Variants in TMEM132D observed in about 807,000 individuals in gnomAD.
TMEM132D encodes the protein transmembrane protein 132D, also known as mature OL transmembrane protein.
In TMEM132D, 21 loss-of-function variants were observed where a neutral mutation model predicts 62.3. The observed-to-expected ratio is 0.34, with a 90% CI of 0.24 to 0.49. The LOEUF is 0.49. Ranked by LOEUF, TMEM132D falls within the 20% of genes least tolerant of loss-of-function variation. The probability of loss-of-function intolerance (pLI) is 0.99; values close to 1 mark genes in which losing one functional copy is unlikely to be tolerated. For synonymous variants in TMEM132D, 621 were observed against 575.6 expected (o/e 1.08, Z -1.13); for missense variants, 1,346 against 1,402.8 (o/e 0.96, Z 0.65).
chr12:129,461,336 G>A (rs1166916340), intron 3 of TMEM132D, among the ~76,000 whole-genome samples: 1 of 152,136 alleles, frequency 6.6e-6, no homozygotes, highest in Non-Finnish European at 1.5e-5. Context: ...GAGAATCTCA[G>A]GGGATGCAGA....
intron 2 of TMEM132D, among the ~76,000 whole-genome samples, chr12:129,604,288 A>G (rs1019090390): frequency 6.6e-6 from 1 of 152,218 alleles, no homozygotes; most frequent in African/African-American, 2.4e-5. Flanking sequence ...TACCTGTGTT[A>G]CAAACCTGCA....
intron 2 of TMEM132D, among the ~76,000 whole-genome samples, chr12:129,638,566 C>CATATATAAATTATAA (rs771922121): frequency 9.1e-6 from 1 of 109,752 alleles, no homozygotes; most frequent in African/African-American, 3.3e-5. Context: ...AATATATAAA[C>CATATATAAATTATAA]ATATATAAAT....
At chr12:129,628,798 A>C (rs1323021386) in intron 2 of TMEM132D, among the ~76,000 whole-genome samples, 2 of 152,036 alleles carry the variant, frequency 1.3e-5, no homozygotes, top group Admixed American at 1.3e-4. Context: ...TGCTGCTTTT[A>C]GAATAAAGCC....
chr12:129,120,243 T>C (rs1196903060), intron 5 of TMEM132D, among the ~76,000 whole-genome samples: 1 of 152,138 alleles, frequency 6.6e-6, no homozygotes, highest in Non-Finnish European at 1.5e-5. Flanking sequence ...AGGTACAGTC[T>C]ATGGGGGCAA....
At chr12:129,344,069 C>G (rs1328203603) in intron 3 of TMEM132D, among the ~76,000 whole-genome samples, 1 of 152,214 alleles carries the variant, frequency 6.6e-6, no homozygotes, top group East Asian at 1.9e-4. Context: ...GGGTGGACGC[C>G]TTCCTCCTCT....
chr12:129,751,377 G>T (rs1469618884), intron 1 of TMEM132D, among the ~76,000 whole-genome samples: 2 of 152,130 alleles, frequency 1.3e-5, no homozygotes, highest in Non-Finnish European at 2.9e-5. Flanking sequence ...AACAGCAAGG[G>T]GTAAATCCAC....
intron 5 of TMEM132D, among the ~76,000 whole-genome samples, chr12:129,126,878 C>T (rs1876229404): frequency 6.6e-6 from 1 of 152,180 alleles, no homozygotes; most frequent in Non-Finnish European, 1.5e-5. Flanking sequence ...GTCATCATTG[C>T]TAACAGCTCT....
intron 3 of TMEM132D, among the ~76,000 whole-genome samples, chr12:129,428,816 G>A (rs1301934775): frequency 1.3e-5 from 2 of 152,214 alleles, no homozygotes; most frequent in East Asian, 1.9e-4. Context: ...ACGACTGAGC[G>A]AGAGGGGACC....
At chr12:129,165,929 A>G (rs1288370439) in intron 5 of TMEM132D, among the ~76,000 whole-genome samples, 3 of 152,224 alleles carry the variant, frequency 2.0e-5, no homozygotes, top group African/African-American at 7.2e-5. Flanking sequence ...CGTGACGCTG[A>G]CTATGGGCTG....
chr12:129,088,165 C>A (rs147137621), intron 5 of TMEM132D, among the ~76,000 whole-genome samples: 359 of 11,740 alleles, frequency 0.031, 14 homozygotes, highest in Middle Eastern at 0.5. Context: ...GGTGTCCTCC[C>A]TGACCGGGTG....
At chr12:129,632,082 G>T (rs1272983422) in intron 2 of TMEM132D, among the ~76,000 whole-genome samples, 1 of 152,222 alleles carries the variant, frequency 6.6e-6, no homozygotes, top group Non-Finnish European at 1.5e-5. Flanking sequence ...AAATACGCTA[G>T]GACTAGAAAA....
chr12:129,225,181 A>G (rs1879449053), intron 4 of TMEM132D, among the ~76,000 whole-genome samples: 1 of 152,170 alleles, frequency 6.6e-6, no homozygotes, highest in South Asian at 2.1e-4. Flanking sequence ...ATTGGGTTGA[A>G]GGGAAGGATT....
intron 1 of TMEM132D, among the ~76,000 whole-genome samples, chr12:129,799,146 T>A (rs1215055952): frequency 6.6e-6 from 1 of 151,902 alleles, no homozygotes; most frequent in Non-Finnish European, 1.5e-5. Flanking sequence ...GCGCCTGTAA[T>A]CCCAACTACT....
At chr12:129,746,899 T>A (rs780479281) in intron 1 of TMEM132D, among the ~76,000 whole-genome samples, 3 of 152,212 alleles carry the variant, frequency 2.0e-5, no homozygotes, top group Middle Eastern at 3.4e-3. Flanking sequence ...CTCAGGCTCC[T>A]CGTCCAATTT....
intron 2 of TMEM132D, among the ~76,000 whole-genome samples, chr12:129,626,715 A>G (rs546411957): frequency 1.3e-5 from 2 of 152,230 alleles, no homozygotes; most frequent in East Asian, 1.9e-4. Flanking sequence ...CTCAGCCCCC[A>G]TAAGTGCTGG....
intron 2 of TMEM132D, among the ~76,000 whole-genome samples, chr12:129,625,765 C>T (rs998792683): frequency 1.3e-5 from 2 of 152,144 alleles, no homozygotes; most frequent in Admixed American, 6.6e-5. Flanking sequence ...CACAATTTGT[C>T]ACTTTATACT....
chr12:129,777,147 T>A (rs1870965650), intron 1 of TMEM132D, among the ~76,000 whole-genome samples: 1 of 152,236 alleles, frequency 6.6e-6, no homozygotes, highest in African/African-American at 2.4e-5. Context: ...TGTTATTTCA[T>A]ACGACATTTA....
chr12:129,343,157 CA>C (rs1869553458), intron 3 of TMEM132D, among the ~76,000 whole-genome samples: 1 of 152,114 alleles, frequency 6.6e-6, no homozygotes, highest in Non-Finnish European at 1.5e-5. Flanking sequence ...TTCACAATAG[CA>C]AAGACTTGGA....
intron 2 of TMEM132D, among the ~76,000 whole-genome samples, chr12:129,546,540 C>A (rs904049154): frequency 3.3e-5 from 5 of 152,030 alleles, no homozygotes; most frequent in African/African-American, 1.2e-4. Flanking sequence ...CATTGCAAGG[C>A]TAGGATTTAA....
Sources: allele counts gnomAD v4.1 joint callset (sites outside exome capture counted in the v4.1 genomes callset), GRCh38; gene constraint gnomAD v4.1.1; transcripts MANE v1.5; gene names NCBI Gene and HGNC (gene_info 2026-07-23, HGNC 2026-07-21).